Variants in UPK1B observed in about 807,000 individuals in gnomAD.
UPK1B encodes the protein uroplakin 1B, also known as uroplakin-1b.
A neutral mutation model predicts 34.2 loss-of-function variants in UPK1B; 28 were observed. The ratio of observed to expected loss-of-function variants is 0.82; its 90% CI spans 0.61 to 1.12. The LOEUF (loss-of-function observed/expected upper bound fraction) is 1.12, where lower values mean the gene tolerates loss of function less well. UPK1B is among the 50% of genes most tolerant of loss of function. The pLI is 0.00. For synonymous variants in UPK1B, 81 were observed against 110.4 expected (o/e 0.73, Z 1.67); for missense variants, 325 against 320.9 (o/e 1.01, Z -0.10).
intron 7 of UPK1B, 145 bp from the exon 8 acceptor site, chr3:119,203,772 T>C: frequency 1.2e-6 from 1 of 800,774 alleles, no homozygotes; most frequent in Non-Finnish European, 2.0e-6. Flanking sequence ...GTTTTTGTTT[T>C]GGTTTTTTAG....
intron 1 of UPK1B, among the ~76,000 whole-genome samples, chr3:119,177,259 T>A (rs2077961138): frequency 6.6e-6 from 1 of 152,200 alleles, no homozygotes; most frequent in African/African-American, 2.4e-5. Context: ...GCTTATCTTG[T>A]AGTGAGTCTC....
At chr3:119,203,719 G>A (rs546347880) in intron 7 of UPK1B, among the ~76,000 whole-genome samples, 198 bp from the exon 8 acceptor site, 3 of 152,262 alleles carry the variant, frequency 2.0e-5, no homozygotes, top group Admixed American at 1.3e-4. Flanking sequence ...CATGGCACAC[G>A]TACATCTGTG....
At chr3:119,186,983 C>CA (rs1455323564) in intron 2 of UPK1B, among the ~76,000 whole-genome samples, 173 bp downstream of exon 2, 1 of 152,120 alleles carries the variant, frequency 6.6e-6, no homozygotes, top group East Asian at 1.9e-4. Context: ...AACTGTATGT[C>CA]AAAAGATCAT....
In UPK1B at chr3:119,184,580, G is replaced by T. The variant is rs566056504; in HGVS notation, c.-28-2134G>T. Among the ~76,000 whole-genome samples the T allele has an allele frequency of 8.0e-5, 9 of 112,390 alleles. No homozygotes were observed. In the South Asian group the frequency reaches 2.7e-3, roughly 34 times the overall value. 73.7% of individuals were successfully genotyped at this position (112,390 alleles called of 152,430 possible). A position where few individuals can be genotyped will look rare whatever the true frequency, so the allele number is the denominator to read the frequency against. On this transcript the variant is annotated intron_variant, in intron 1 of 7. Transcript: ENST00000264234. ...TAAAAATACAAAAAAAAAAAAAAAAGCCAGGTGTGGCGGTGGGCACCTGTA... is the reference window on the plus strand; with the variant it reads ...TAAAAATACAAAAAAAAAAAAAAAATCCAGGTGTGGCGGTGGGCACCTGTA...
intron 1 of UPK1B, among the ~76,000 whole-genome samples, chr3:119,179,399 T>TATA (rs1559900078): frequency 0.085 from 4,594 of 53,824 alleles, 868 homozygotes; most frequent in Middle Eastern, 0.12. Context: ...ATATATATAT[T>TATA]AATTCTAAGG....
chr3:119,180,636 C>G (rs1284245137), intron 1 of UPK1B, among the ~76,000 whole-genome samples: 1 of 151,638 alleles, frequency 6.6e-6, no homozygotes, highest in African/African-American at 2.4e-5. Flanking sequence ...TTCTCCGTGC[C>G]TATCCTCTAT....
At position 119,204,020 on chromosome 3, in the gene UPK1B, C is replaced by A; in HGVS notation, c.*53C>A. 6.3e-7 allele frequency: 1 copy of A among 1,586,354 alleles called. No individual in the cohort carries two copies. Among genetic ancestry groups the A allele is most frequent in the Non-Finnish European group, 8.6e-7 (1 of 1,157,426 alleles). On this transcript the variant is annotated 3_prime_UTR_variant, in exon 8 of 8. Coordinates refer to ENST00000264234, the MANE Select transcript of UPK1B (RefSeq NM_006952.4). ...TCCCCGAGTGACTCTGGATTTGGTG[C>A]TGGAACCAGCTCTCTCCTAATATTC...
chr3:119,190,193 C>A, intron 3 of UPK1B, 52 bp from the exon 4 acceptor site: 1 of 1,365,328 alleles, frequency 7.3e-7, no homozygotes, highest in South Asian at 1.3e-5. Context: ...TTGGGCAAGT[C>A]GCTCTTTGAC....
At position 119,204,048 on chromosome 3, in the gene UPK1B, C is replaced by T. The variant is rs115262398; in HGVS notation, c.*81C>T. 1,151 of 1,500,244 alleles carry T rather than the reference C, an allele frequency of 7.7e-4. 5 individuals are homozygous for T. In the African/African-American group the frequency reaches 0.012, roughly 16 times the overall value. 92.9% of individuals were successfully genotyped at this position (1,500,244 alleles called of 1,614,324 possible). On this transcript the variant is annotated 3_prime_UTR_variant, in exon 8 of 8. Coordinates refer to ENST00000264234, the MANE Select transcript of UPK1B (RefSeq NM_006952.4). ...GAACCAGCTCTCTCCTAATATTCCA[C>T]GTTTGTGCCCCACACTAACGTGTGT... is the stretch of plus-strand genomic sequence containing the variant.
chr3:119,200,711 A>G (rs1177316695), intron 7 of UPK1B, among the ~76,000 whole-genome samples: 1 of 152,230 alleles, frequency 6.6e-6, no homozygotes, highest in African/African-American at 2.4e-5. Flanking sequence ...GTTCAAATTT[A>G]TCATTGGCAA....
intron 7 of UPK1B, among the ~76,000 whole-genome samples, chr3:119,203,407 C>A (rs945708656): frequency 6.7e-6 from 1 of 148,700 alleles, no homozygotes; most frequent in African/African-American, 2.5e-5. Context: ...ACCCAAATGC[C>A]CATCAGCAAT....
At chr3:119,199,201 G>C (rs1576872802) in intron 7 of UPK1B, 61 bp downstream of exon 7, 1 of 1,569,236 alleles carries the variant, frequency 6.4e-7, no homozygotes, top group South Asian at 1.1e-5. Context: ...GACCTTGAGA[G>C]TGCCACTGGT....
At chr3:119,202,372 G>C (rs1402659532) in intron 7 of UPK1B, among the ~76,000 whole-genome samples, 3 of 152,074 alleles carry the variant, frequency 2.0e-5, no homozygotes, top group Non-Finnish European at 4.4e-5. Flanking sequence ...TATGACCTTG[G>C]GTAAGTTACT....
intron 7 of UPK1B, among the ~76,000 whole-genome samples, chr3:119,200,421 C>T (rs2078085955): frequency 6.6e-6 from 1 of 152,180 alleles, no homozygotes. Flanking sequence ...GCTTTTCATA[C>T]TCTGTTATGT....
In UPK1B at chr3:119,179,374, T is replaced by TAG. The variant is rs1461706916; in HGVS notation, c.-29+5737_-29+5738insGA. Among the ~76,000 whole-genome samples, 97 of 72,652 alleles carry TAG rather than the reference T, an allele frequency of 1.3e-3. 2 individuals carry two copies. Among genetic ancestry groups the TAG allele is most frequent in the African/African-American group, 4.1e-3 (92 of 22,286 alleles). 47.7% of individuals were successfully genotyped at this position (72,652 alleles called of 152,430 possible). On this transcript the variant is annotated intron_variant, in intron 1 of 7. Transcript: ENST00000264234. The stretch of plus-strand genomic sequence containing the variant: ...GGAGATATATATATATATATATATA[T>TAG]ATATATATATATATATATATATATT...
intron 1 of UPK1B, among the ~76,000 whole-genome samples, chr3:119,175,117 T>C (rs2077949776): frequency 7.4e-6 from 1 of 135,360 alleles, no homozygotes; most frequent in Admixed American, 8.5e-5. Flanking sequence ...AAGCTCTGCC[T>C]CCCGGGTAGA....
Position 119,204,108 on chromosome 3 carries a change from CT to C in UPK1B, c.*144del. 1 of 893,846 alleles carries C rather than the reference CT, an allele frequency of 1.1e-6. No individual in the cohort carries two copies. Among genetic ancestry groups the C allele is most frequent in the Non-Finnish European group, 1.7e-6 (1 of 575,892 alleles). The allele number at this position is 893,846 out of a possible 1,614,324, so 55.4% of individuals were successfully genotyped here. ...TGCCAAGTCAGATGGTACGGACTTC[CT>C]TTAGGATCTCAGGCTTCTGCAGTTC... On this transcript the variant is annotated 3_prime_UTR_variant, in exon 8 of 8. Coordinates refer to ENST00000264234, the MANE Select transcript of UPK1B (RefSeq NM_006952.4).
chr3:119,190,350 TG>T, intron 4 of UPK1B, 31 bp downstream of exon 4: 1 of 1,523,262 alleles, frequency 6.6e-7, no homozygotes, highest in Non-Finnish European at 9.1e-7. Flanking sequence ...CAAAATAATA[TG>T]AATTATCATT....
At chr3:119,179,388 T>G (rs1309913822) in intron 1 of UPK1B, among the ~76,000 whole-genome samples, 16 of 93,304 alleles carry the variant, frequency 1.7e-4, no homozygotes, top group Admixed American at 3.0e-4. Context: ...TATATATATA[T>G]ATATATATAT....
Sources: allele counts gnomAD v4.1 joint callset (sites outside exome capture counted in the v4.1 genomes callset), GRCh38; gene constraint gnomAD v4.1.1; transcripts MANE v1.5; gene names NCBI Gene and HGNC (gene_info 2026-07-23, HGNC 2026-07-21).